Variants in RARS2 observed in about 807,000 individuals in gnomAD.
RARS2 encodes the protein arginyl-tRNA synthetase 2, mitochondrial.
RARS2 carries 67 observed loss-of-function variants against 88.5 expected under a neutral mutation model. The observed-to-expected ratio is 0.76, with a 90% CI of 0.62 to 0.93. The LOEUF (loss-of-function observed/expected upper bound fraction) is 0.93. Ranked by LOEUF, RARS2 falls within the 40% of genes least tolerant of loss-of-function variation. The probability of loss-of-function intolerance (pLI) is 0.00; values close to 1 mark genes in which losing one functional copy is unlikely to be tolerated. For synonymous variants in RARS2, 239 were observed against 230.3 expected (o/e 1.04, Z -0.34); for missense variants, 664 against 684.2 (o/e 0.97, Z 0.33).
At chr6:87,549,316 A>G (rs1251743317) in intron 5 of RARS2, among the ~76,000 whole-genome samples, 1 of 152,024 alleles carries the variant, frequency 6.6e-6, no homozygotes, top group Non-Finnish European at 1.5e-5. Context: ...AGATCACGAC[A>G]TTGTACTCTA....
At chr6:87,582,534 T>C (rs1239923869) in intron 1 of RARS2, among the ~76,000 whole-genome samples, 1 of 152,262 alleles carries the variant, frequency 6.6e-6, no homozygotes, top group Admixed American at 6.5e-5. Flanking sequence ...GTAGGTTGCC[T>C]GTTTGCTCTG....
Position 87,542,003 on chromosome 6 carries a change from A to T in RARS2, c.536-9T>A, listed in dbSNP as rs747438020. ...GCCAGTTCCCAGAAGACCTACCATG[A>T]TAATCCGTAAATGAAAAATTATAAA... On this transcript the variant is annotated splice_polypyrimidine_tract_variant and intron_variant, in intron 7 of 19. Transcript: ENST00000369536. 1 of 1,607,096 alleles carries T rather than the reference A, an allele frequency of 6.2e-7. No individual in the cohort carries two copies. Among genetic ancestry groups the T allele is most frequent in the South Asian group, 1.1e-5 (1 of 90,974 alleles).
At chr6:87,548,775 A>G in intron 5 of RARS2, 129 bp from the exon 6 acceptor site, 1 of 813,156 alleles carries the variant, frequency 1.2e-6, no homozygotes, top group Non-Finnish European at 1.9e-6. Context: ...AGATAAGTTA[A>G]AAGTTAAAAA....
chr6:87,531,901 A>G (rs1342276337), intron 8 of RARS2, among the ~76,000 whole-genome samples: 2 of 152,226 alleles, frequency 1.3e-5, no homozygotes, highest in Admixed American at 6.5e-5. Flanking sequence ...TAACTTTACT[A>G]TATTATTTCC....
chr6:87,567,927 A>G (rs1419465689), intron 2 of RARS2, among the ~76,000 whole-genome samples: 2 of 152,092 alleles, frequency 1.3e-5, no homozygotes, highest in Non-Finnish European at 2.9e-5. Context: ...GCATGCCACC[A>G]TGCCTGGCTA....
intron 1 of RARS2, among the ~76,000 whole-genome samples, chr6:87,577,666 G>A (rs184625535): frequency 1.3e-5 from 2 of 152,258 alleles, no homozygotes; most frequent in Admixed American, 1.3e-4. Context: ...AACAGTAGAG[G>A]TTGTGCAGAT....
chr6:87,554,655 C>T (rs1401709284), intron 5 of RARS2, among the ~76,000 whole-genome samples: 4 of 152,046 alleles, frequency 2.6e-5, no homozygotes, highest in Admixed American at 1.3e-4. Flanking sequence ...GCGAGGTCTG[C>T]GTTGCCCAGG....
At chr6:87,545,491 A>G in intron 7 of RARS2, 125 bp downstream of exon 7, 1 of 1,299,062 alleles carries the variant, frequency 7.7e-7, no homozygotes. Flanking sequence ...TAGGGAAAAA[A>G]AAAAAAAAAT....
intron 8 of RARS2, among the ~76,000 whole-genome samples, chr6:87,534,694 C>T (rs777169413): frequency 1.3e-5 from 2 of 151,922 alleles, no homozygotes; most frequent in Admixed American, 6.6e-5. Context: ...GGAGCAATGG[C>T]CAAGTGGAGA....
chr6:87,563,505 A>C (rs565352526), intron 3 of RARS2, among the ~76,000 whole-genome samples: 1 of 152,278 alleles, frequency 6.6e-6, no homozygotes, highest in African/African-American at 2.4e-5. Flanking sequence ...AGTGACTTTC[A>C]TTGTTCCAAT....
At chr6:87,519,172 A>G (rs1461465512) in intron 14 of RARS2, 1 of 277,044 alleles carries the variant, frequency 3.6e-6, no homozygotes, top group Non-Finnish European at 6.6e-6. Context: ...GTGTATATAT[A>G]TATAAATATA....
At chr6:87,564,307 T>C in intron 2 of RARS2, 75 bp from the exon 3 acceptor site, 1 of 1,054,076 alleles carries the variant, frequency 9.5e-7, no homozygotes, top group South Asian at 1.3e-5. Flanking sequence ...CTAATCACTA[T>C]GAGTTCTCCA....
chr6:87,564,262 C>T (rs540127913), intron 2 of RARS2, 30 bp from the exon 3 acceptor site: 60 of 1,463,398 alleles, frequency 4.1e-5, no homozygotes, highest in Non-Finnish European at 5.7e-5. Context: ...CGAGATAGAA[C>T]TGTTACCTTA....
chr6:87,517,418 A>G (rs1271673243), intron 17 of RARS2, among the ~76,000 whole-genome samples: 1 of 152,220 alleles, frequency 6.6e-6, no homozygotes, highest in Non-Finnish European at 1.5e-5. Context: ...TCCACAGCAA[A>G]AACTTAAATC....
intron 7 of RARS2, 133 bp downstream of exon 7, chr6:87,545,483 G>T: frequency 9.5e-7 from 1 of 1,054,636 alleles, no homozygotes; most frequent in Non-Finnish European, 1.3e-6. Context: ...AGAGCCATTA[G>T]GGAAAAAAAA....
intron 10 of RARS2, among the ~76,000 whole-genome samples, chr6:87,529,048 G>A (rs1397145132): frequency 1.3e-5 from 2 of 151,946 alleles, no homozygotes; most frequent in African/African-American, 4.8e-5. Context: ...CAAGAAAACA[G>A]AATTCTAGGA....
At chr6:87,559,717 T>A (rs776614221) in intron 4 of RARS2, among the ~76,000 whole-genome samples, 3 of 152,118 alleles carry the variant, frequency 2.0e-5, no homozygotes, top group Non-Finnish European at 2.9e-5. Context: ...AGGAAAAATA[T>A]TTTTTTATAA....
chr6:87,548,290 T>C (rs1221352912), intron 6 of RARS2, among the ~76,000 whole-genome samples: 1 of 152,200 alleles, frequency 6.6e-6, no homozygotes, highest in African/African-American at 2.4e-5. Flanking sequence ...TAACTATTTT[T>C]ACTTTTGCAT....
intron 8 of RARS2, 81 bp from the exon 9 acceptor site, chr6:87,531,023 C>T (rs1777366412): frequency 1.3e-6 from 2 of 1,584,016 alleles, no homozygotes; most frequent in East Asian, 2.3e-5. Context: ...AAAAAAAGCA[C>T]ATTCTGAGAA....
Sources: gnomAD v4.1 joint callset for allele counts (sites outside exome capture counted in the v4.1 genomes callset) on GRCh38, gnomAD v4.1.1 for gene constraint, MANE v1.5 for transcripts, NCBI Gene and HGNC (gene_info 2026-07-23, HGNC 2026-07-21) for gene names.